The following MYO1E variants were observed in gnomAD, a reference collection of about 807,000 sequenced individuals.
MYO1E encodes the protein myosin IE.
MYO1E carries 68 observed loss-of-function variants against 151.1 expected under a neutral mutation model. That is an observed-to-expected ratio of 0.45 (90% confidence interval 0.37 to 0.55). MYO1E has a LOEUF of 0.55. Among genes scored for constraint, MYO1E ranks in the 20% least tolerant of loss-of-function variants. MYO1E has a pLI of 0.00. For synonymous variants in MYO1E, 601 were observed against 501.7 expected (o/e 1.20, Z -2.64); for missense variants, 1,363 against 1,389.3 (o/e 0.98, Z 0.30).
rs920175714 is a variant in MYO1E at position 59,246,965 on chromosome 15, T to C, written c.332+9319A>G. On this transcript the variant is annotated intron_variant, in intron 4 of 27. Transcript: ENST00000288235. ...ATGCAGAGAGCATCACGGCCAACAATGACAAAGGGTTAGTTTTAAAAAGCA... is the reference window on the plus strand; with the variant it reads ...ATGCAGAGAGCATCACGGCCAACAACGACAAAGGGTTAGTTTTAAAAAGCA... 2.6e-5 allele frequency among the ~76,000 whole-genome samples: 4 copies of C among 152,064 alleles called. No homozygotes were observed. The South Asian group carries it at 8.3e-4, about 32-fold the overall frequency.
chr15:59,216,492 C>T (rs1418356786), intron 10 of MYO1E, among the ~76,000 whole-genome samples: 14 of 150,962 alleles, frequency 9.3e-5, no homozygotes, highest in African/African-American at 2.7e-4. Flanking sequence ...GAGATTGTTA[C>T]TGGCAGCTCT....
At chr15:59,170,333 G>C (rs2079585191) in intron 22 of MYO1E, among the ~76,000 whole-genome samples, 1 of 152,230 alleles carries the variant, frequency 6.6e-6, no homozygotes. Context: ...ACACCCTAGA[G>C]CTGTGGTTCC....
At chr15:59,145,522 G>T (rs987578595) in intron 26 of MYO1E, among the ~76,000 whole-genome samples, 18 of 152,148 alleles carry the variant, frequency 1.2e-4, no homozygotes, top group African/African-American at 3.6e-4. Flanking sequence ...GAGTAGCTGG[G>T]ATTACAAGCA....
chr15:59,222,466 C>T (rs1057265983), intron 9 of MYO1E, among the ~76,000 whole-genome samples: 14 of 152,196 alleles, frequency 9.2e-5, no homozygotes, highest in African/African-American at 3.4e-4. Flanking sequence ...TAAAAACGAC[C>T]ATTTAGGTGT....
intron 25 of MYO1E, among the ~76,000 whole-genome samples, chr15:59,155,600 C>A (rs2079505366): frequency 1.3e-5 from 2 of 152,150 alleles, no homozygotes; most frequent in South Asian, 4.1e-4. Flanking sequence ...CTAGCTGAGG[C>A]CAGTGAGCTT....
At chr15:59,281,196 T>C (rs2080351146) in intron 1 of MYO1E, among the ~76,000 whole-genome samples, 1 of 152,218 alleles carries the variant, frequency 6.6e-6, no homozygotes, top group South Asian at 2.1e-4. Context: ...TGTCCCACCC[T>C]CCATGCGATA....
intron 7 of MYO1E, among the ~76,000 whole-genome samples, chr15:59,225,451 T>G (rs2079984155): frequency 6.6e-6 from 1 of 152,164 alleles, no homozygotes; most frequent in South Asian, 2.1e-4. Flanking sequence ...GATGTCGCCC[T>G]GAGGCTTCCC....
At chr15:59,303,187 T>C (rs1038921701) in intron 1 of MYO1E, among the ~76,000 whole-genome samples, 2 of 152,210 alleles carry the variant, frequency 1.3e-5, no homozygotes, top group African/African-American at 2.4e-5. Context: ...GTCAGCTTGA[T>C]AAAATCCATC....
chr15:59,180,958 G>A (rs2079654936), intron 18 of MYO1E, among the ~76,000 whole-genome samples: 1 of 152,154 alleles, frequency 6.6e-6, no homozygotes, highest in African/African-American at 2.4e-5. Flanking sequence ...CTTTCTGCCT[G>A]GAAATCTGTT....
chr15:59,234,159 T>A (rs1405872698), intron 5 of MYO1E, among the ~76,000 whole-genome samples: 1 of 152,142 alleles, frequency 6.6e-6, no homozygotes, highest in African/African-American at 2.4e-5. Flanking sequence ...CTTTCTCTTT[T>A]CCCTGATATG....
intron 6 of MYO1E, among the ~76,000 whole-genome samples, chr15:59,228,327 C>T (rs966064947): frequency 1.4e-4 from 21 of 151,898 alleles, no homozygotes; most frequent in Non-Finnish European, 2.2e-4. Context: ...GCTAAAAATA[C>T]AAAAAATTAG....
chr15:59,241,921 A>AAAAATAAAAT (rs374472292), intron 4 of MYO1E, among the ~76,000 whole-genome samples: 2,822 of 150,800 alleles, frequency 0.019, 91 homozygotes, highest in African/African-American at 0.066. Context: ...CCTGTCTCTA[A>AAAAATAAAAT]AAAATAAAAT....
chr15:59,184,914 C>T (rs191687845), intron 18 of MYO1E, among the ~76,000 whole-genome samples: 26 of 152,282 alleles, frequency 1.7e-4, no homozygotes, highest in Non-Finnish European at 2.5e-4. Flanking sequence ...CAACAGCATA[C>T]GATGGTTCCC....
intron 18 of MYO1E, among the ~76,000 whole-genome samples, chr15:59,187,386 A>T (rs1202585173): frequency 6.6e-6 from 1 of 152,236 alleles, no homozygotes; most frequent in Non-Finnish European, 1.5e-5. Context: ...CAAAACCATC[A>T]TGAAATACCA....
chr15:59,247,567 G>A (rs1265698342), intron 4 of MYO1E, among the ~76,000 whole-genome samples: 2 of 152,162 alleles, frequency 1.3e-5, no homozygotes, highest in East Asian at 1.9e-4. Context: ...AACCAGCAGA[G>A]GGCAGGCACT....
In MYO1E at chr15:59,297,437, ATTT is replaced by A. The variant is rs755470049; in HGVS notation, c.4-24991_4-24989del. On this transcript the variant is annotated intron_variant, in intron 1 of 27. Transcript: ENST00000288235. ...AGGTACGCACCACCACACCCAGCTA[ATTT>A]TTTTTTTTTTTTTTTTTTTTTAGTA... is the stretch of plus-strand genomic sequence containing the variant. Among the ~76,000 whole-genome samples the A allele has an allele frequency of 3.3e-4, 21 of 63,488 alleles. No individual in the cohort carries two copies. In the South Asian group the frequency reaches 4.7e-3, roughly 14 times the overall value. 41.7% of individuals were successfully genotyped at this position (63,488 alleles called of 152,430 possible).
chr15:59,225,450 C>T (rs1289272580), intron 7 of MYO1E, among the ~76,000 whole-genome samples: 3 of 152,152 alleles, frequency 2.0e-5, no homozygotes, highest in Non-Finnish European at 4.4e-5. Flanking sequence ...CGATGTCGCC[C>T]TGAGGCTTCC....
At position 59,209,032 on chromosome 15, in the gene MYO1E, A is replaced by G. The variant is rs1054785893; in HGVS notation, c.1363-184T>C. Reference sequence around the variant, plus strand: ...AAATAGGGAGTCACCACTTAGATCTAAAGAGGGAGGAAACTCCACTTTCCA... The same window carrying G: ...AAATAGGGAGTCACCACTTAGATCTGAAGAGGGAGGAAACTCCACTTTCCA... On this transcript the variant is annotated intron_variant, in intron 13 of 27. Transcript: ENST00000288235. 2.7e-5 allele frequency: 19 copies of G among 716,396 alleles called. No homozygotes were observed. The African/African-American group carries it at 3.0e-4, about 11-fold the overall frequency. The allele number at this position is 716,396 out of a possible 1,614,324, so 44.4% of individuals were successfully genotyped here. A position where few individuals can be genotyped will look rare whatever the true frequency, so the allele number is the denominator to read the frequency against.
At position 59,163,200 on chromosome 15, in the gene MYO1E, C is replaced by T. The variant is rs149677309; in HGVS notation, c.2584G>A (p.Glu862Lys). Residue 862 changes from glutamate to lysine, a missense_variant, in exon 23 of 28, where the codon GAG (glutamate) becomes AAG (lysine). Glu to Lys is a moderately conservative substitution (Grantham distance 56). Coordinates refer to ENST00000288235, the MANE Select transcript of MYO1E (RefSeq NM_004998.4). ...EFLSLLAKRY[E>K]EKTQKQLPLK... is the part of the protein sequence containing the mutation. ...GGTAGTTGCTTCTGGGTCTTCTCCTCGTAACGCTTTGCTAAGAGGCTTAGG... is the reference window on the plus strand; with the variant it reads ...GGTAGTTGCTTCTGGGTCTTCTCCTTGTAACGCTTTGCTAAGAGGCTTAGG... 173 of 1,614,134 alleles carry T rather than the reference C, an allele frequency of 1.1e-4. No individual in the cohort carries two copies. In the African/African-American group the frequency reaches 1.3e-3, roughly 12 times the overall value.
Sources: gnomAD v4.1 joint callset for allele counts (sites outside exome capture counted in the v4.1 genomes callset) on GRCh38, gnomAD v4.1.1 for gene constraint, MANE v1.5 for transcripts, NCBI Gene and HGNC (gene_info 2026-07-23, HGNC 2026-07-21) for gene names.